Variants in NUP214 observed in about 807,000 individuals in gnomAD.
NUP214 encodes nuclear pore complex protein Nup214.
NUP214 carries 79 observed loss-of-function variants against 196.2 expected under a neutral mutation model. That is an observed-to-expected ratio of 0.40 (90% CI 0.34 to 0.49). The LOEUF (loss-of-function observed/expected upper bound fraction) is 0.49. Ranked by LOEUF, NUP214 falls within the 20% of genes least tolerant of loss-of-function variation. The pLI, the probability that NUP214 is intolerant of heterozygous loss-of-function variation, is 0.58. For synonymous variants in NUP214, 1,020 were observed against 990.5 expected (o/e 1.03, Z -0.56); for missense variants, 2,468 against 2,539.0 (o/e 0.97, Z 0.60).
intron 31 of NUP214, among the ~76,000 whole-genome samples, chr9:131,216,400 AT>A (rs890038248): frequency 1.4e-5 from 2 of 140,818 alleles, no homozygotes; most frequent in African/African-American, 2.7e-5. Context: ...AATTTTTTAT[AT>A]TTTTTTTAGT....
rs1833869806 is a variant in NUP214 at position 131,198,843 on chromosome 9, C to G, written c.5349C>G (p.Ser1783=). 1 of 1,614,052 alleles carries G rather than the reference C, an allele frequency of 6.2e-7. No individual in the cohort carries two copies. The highest frequency in any genetic ancestry group is 1.3e-5 in the African/African-American group (1 of 74,906). The part of the protein sequence containing the change: ...GAASSTSSSS[S]FSFGQSSPNT... Reference sequence around the variant, plus strand: ...CCTCAAGTACCAGTAGCTCCAGTTCCTTCTCATTTGGACAGTCTTCTCCCA... The same window carrying G: ...CCTCAAGTACCAGTAGCTCCAGTTCGTTCTCATTTGGACAGTCTTCTCCCA... Residue 1783 remains serine (S), a synonymous_variant, in exon 29 of 36, where the codon TCC becomes TCG. Transcript: ENST00000359428.
At chr9:131,199,447 A>G (rs763442114) in intron 29 of NUP214, among the ~76,000 whole-genome samples, 43 of 152,216 alleles carry the variant, frequency 2.8e-4, no homozygotes, top group Non-Finnish European at 4.4e-4. Context: ...GGAGAGTCCA[A>G]GTGTCATCAT....
intron 32 of NUP214, among the ~76,000 whole-genome samples, chr9:131,225,411 T>A (rs1243354032): frequency 1.3e-5 from 2 of 152,142 alleles, no homozygotes; most frequent in East Asian, 3.9e-4. Context: ...AAAGCAAGAC[T>A]CTGTCTCAAA....
intron 19 of NUP214, 181 bp downstream of exon 19, chr9:131,163,354 T>G: frequency 1.7e-6 from 1 of 580,556 alleles, no homozygotes; most frequent in Non-Finnish European, 2.9e-6. Context: ...AGGATGACAA[T>G]ACCTGCTTCG....
In NUP214 at chr9:131,198,084, T is replaced by G; in HGVS notation, c.4590T>G (p.Pro1530=). ...EQQSAQLPQA[P]PQTSDSVKKE... is the part of the protein sequence containing the mutation. ...AGTCAGCCCAGCTTCCCCAGGCTCCTCCGCAAACTTCTGACTCTGTTAAAA... is the reference window on the plus strand; with the variant it reads ...AGTCAGCCCAGCTTCCCCAGGCTCCGCCGCAAACTTCTGACTCTGTTAAAA... Residue 1530 remains proline (P), a synonymous_variant, in exon 29 of 36, where the codon CCT becomes CCG. Coordinates refer to ENST00000359428, the MANE Select transcript of NUP214 (RefSeq NM_005085.4). 6.2e-7 allele frequency: 1 copy of G among 1,614,166 alleles called. No homozygotes were observed. Among genetic ancestry groups the G allele is most frequent in the Non-Finnish European group, 8.5e-7 (1 of 1,180,008 alleles).
At chr9:131,127,758 G>A (rs1309326025) in intron 2 of NUP214, 39 bp downstream of exon 2, 1 of 1,447,944 alleles carries the variant, frequency 6.9e-7, no homozygotes, top group Non-Finnish European at 9.6e-7. Flanking sequence ...AGAGAGAGGA[G>A]TATGGTGGCA....
chr9:131,214,440 A>G (rs1287015784), intron 30 of NUP214, among the ~76,000 whole-genome samples: 2 of 152,174 alleles, frequency 1.3e-5, no homozygotes, highest in Non-Finnish European at 2.9e-5. Flanking sequence ...TGCTCTTGCA[A>G]GTTTCTATGC....
At chr9:131,204,161 G>A (rs573752434) in intron 30 of NUP214, among the ~76,000 whole-genome samples, 18 of 152,332 alleles carry the variant, frequency 1.2e-4, no homozygotes, top group South Asian at 6.2e-4. Context: ...CAGAATAAGC[G>A]TCAGAAATCA....
In NUP214 at chr9:131,232,349, A is replaced by T; in HGVS notation, c.6239+41A>T. 6.3e-7 allele frequency: 1 copy of T among 1,579,548 alleles called. No individual in the cohort carries two copies. The highest frequency in any genetic ancestry group is 8.7e-7 in the Non-Finnish European group (1 of 1,148,318). ...TTTGAGTCTCACCTTAATTAAAAGC[A>T]TTAAATAAGGTTGGAAGTGTGTGGA... is the stretch of plus-strand genomic sequence containing the variant. On this transcript the variant is annotated intron_variant, in intron 35 of 35. Coordinates refer to ENST00000359428, the MANE Select transcript of NUP214 (RefSeq NM_005085.4). This position sits in a 1 kb window ranked among gnomAD's most constrained non-coding sequence, Gnocchi z 5.1.
At chr9:131,159,306 C>T in intron 17 of NUP214, 77 bp from the exon 18 acceptor site, 5 of 957,194 alleles carry the variant, frequency 5.2e-6, no homozygotes, top group Non-Finnish European at 8.1e-6. Context: ...TTTTAGAATT[C>T]TTTTGACTGT....
intron 18 of NUP214, among the ~76,000 whole-genome samples, chr9:131,161,225 T>A (rs1236471951): frequency 6.6e-6 from 1 of 151,800 alleles, no homozygotes. Context: ...TTCAGGGCCA[T>A]CCCTGAATAT....
rs1832561695 is a variant in NUP214, at chr9:131,159,502, C to T, written c.2540+16C>T. ...AAAAACAAAGGTGAATGAGATCTCT[C>T]ATCTGCAATGTGTTGGAATAGATAT... On this transcript the variant is annotated intron_variant, in intron 18 of 35. Coordinates refer to ENST00000359428, the MANE Select transcript of NUP214 (RefSeq NM_005085.4). 1.3e-6 allele frequency: 2 copies of T among 1,555,146 alleles called. No individual in the cohort carries two copies. The highest frequency in any genetic ancestry group is 1.4e-5 in the African/African-American group (1 of 73,796).
intron 28 of NUP214, among the ~76,000 whole-genome samples, chr9:131,196,026 C>T (rs1564204208): frequency 1.4e-4 from 3 of 22,034 alleles, no homozygotes; most frequent in Non-Finnish European, 2.8e-4. Flanking sequence ...CTCTGTGTGT[C>T]CCCCCCCCCC....
At chr9:131,227,950 T>G (rs1162902962) in intron 32 of NUP214, among the ~76,000 whole-genome samples, 1 of 147,490 alleles carries the variant, frequency 6.8e-6, no homozygotes, top group African/African-American at 2.5e-5. Flanking sequence ...GGCTTTTGTT[T>G]TGTTGTTTTC....
rs553963144 is a variant in NUP214 at position 131,187,347 on chromosome 9, G to A, written c.3478G>A (p.Ala1160Thr). 14 of 1,609,818 alleles carry A rather than the reference G, an allele frequency of 8.7e-6. No individual in the cohort carries two copies. The South Asian group carries it at 1.4e-4, about 16-fold the overall frequency. ...TPHPVLTPVA[A>T]NQAKQGSLIN... ...TCACCCAGTGTTGACCCCAGTGGCT[G>A]CTAACCAAGCCAAGCAGGTAACTTA... Residue 1160 changes from alanine (A) to threonine (T), a missense_variant, in exon 25 of 36, where the codon GCT becomes ACT. Physicochemically the swap from Ala to Thr is moderately conservative, Grantham distance 58. This residue lies in a region of NUP214 where 1,801 missense variants were observed against 1,779.4 expected (regional missense o/e 1.01). Coordinates refer to ENST00000359428, the MANE Select transcript of NUP214 (RefSeq NM_005085.4).
intron 18 of NUP214, among the ~76,000 whole-genome samples, chr9:131,161,652 GAAAT>G: frequency 6.6e-6 from 1 of 152,294 alleles, no homozygotes; most frequent in Admixed American, 6.5e-5. Flanking sequence ...GGGAAAAAGG[GAAAT>G]AAATCCAGAG....
chr9:131,127,401 A>G, intron 1 of NUP214, 123 bp from the exon 2 acceptor site: 4 of 751,732 alleles, frequency 5.3e-6, no homozygotes, highest in East Asian at 2.6e-5. Flanking sequence ...AAAAAAGACA[A>G]TTGAGACAGA....
chr9:131,135,856 C>T (rs1224599151), intron 8 of NUP214, 84 bp from the exon 9 acceptor site: 3 of 1,021,070 alleles, frequency 2.9e-6, no homozygotes, highest in Non-Finnish European at 4.5e-6. Context: ...GGAGGCAGCC[C>T]TCACAGGTGT....
At chr9:131,158,028 C>T (rs545904366) in intron 17 of NUP214, among the ~76,000 whole-genome samples, 20 of 152,114 alleles carry the variant, frequency 1.3e-4, no homozygotes, top group African/African-American at 4.6e-4. Context: ...AGTAATACAC[C>T]CGTCCTGGCC....
Sources: allele counts gnomAD v4.1 joint callset (sites outside exome capture counted in the v4.1 genomes callset), GRCh38; gene constraint gnomAD v4.1.1; regional missense constraint gnomAD v4.1.1; non-coding constraint Gnocchi (gnomAD v3.1); transcripts MANE v1.5; gene names NCBI Gene and HGNC (gene_info 2026-07-23, HGNC 2026-07-21).